Variants in SUGCT observed in about 807,000 individuals in gnomAD.
The protein encoded by SUGCT is succinyl-CoA:glutarate-CoA transferase, also known as succinyl-CoA:glutarate CoA-transferase.
Under a neutral mutation model 55.0 loss-of-function variants are expected in SUGCT, and 41 were observed. The ratio of observed to expected loss-of-function variants is 0.74; its 90% CI spans 0.58 to 0.97. The LOEUF (loss-of-function observed/expected upper bound fraction) is 0.97. SUGCT is among the 50% of genes least tolerant of loss of function. The pLI, the probability that SUGCT is intolerant of heterozygous loss-of-function variation, is 0.00. For missense variants in SUGCT, 568 were observed against 547.8 expected (o/e 1.04, Z -0.37); for synonymous variants, 187 against 200.4 (o/e 0.93, Z 0.56).
At chr7:40,872,951 G>A in the SUGCT span, among the ~76,000 whole-genome samples, 2 of 152,158 alleles carry the variant, frequency 1.3e-5, no homozygotes, top group Non-Finnish European at 2.9e-5. Context: ...CATGAGAGGC[G>A]TCTGAGGTCA....
intron 12 of SUGCT, among the ~76,000 whole-genome samples, chr7:40,569,715 AACTTTG>A (rs1005274329): frequency 9.9e-5 from 15 of 152,224 alleles, no homozygotes; most frequent in Non-Finnish European, 1.9e-4. Flanking sequence ...ATAAAAAAAA[AACTTTG>A]ACTTAACTCA....
At chr7:40,578,930 A>G (rs1248108634) in intron 12 of SUGCT, among the ~76,000 whole-genome samples, 2 of 152,178 alleles carry the variant, frequency 1.3e-5, no homozygotes, top group Non-Finnish European at 2.9e-5. Context: ...TGTCTTATTT[A>G]TCACAGTATT....
At chr7:40,648,640 A>ACT (rs1228339793) in intron 12 of SUGCT, among the ~76,000 whole-genome samples, 1 of 152,236 alleles carries the variant, frequency 6.6e-6, no homozygotes, top group Non-Finnish European at 1.5e-5. Context: ...TGGTGTCCTT[A>ACT]CAAGGAGAGC....
At chr7:40,239,858 A>C (rs1389926522) in intron 7 of SUGCT, among the ~76,000 whole-genome samples, 1 of 152,200 alleles carries the variant, frequency 6.6e-6, no homozygotes, top group African/African-American at 2.4e-5. Flanking sequence ...TATTTCTTTC[A>C]CATGGACACA....
intron 1 of SUGCT, among the ~76,000 whole-genome samples, chr7:40,139,143 T>TC (rs1253415191): frequency 4.7e-4 from 70 of 149,136 alleles, no homozygotes; most frequent in African/African-American, 1.7e-3. Context: ...AATAAATAAA[T>TC]AAATAAATAA....
intron 11 of SUGCT, among the ~76,000 whole-genome samples, chr7:40,464,727 C>T (rs781405470): frequency 3.3e-5 from 5 of 152,188 alleles, no homozygotes; most frequent in African/African-American, 4.8e-5. Flanking sequence ...GTCCCAGCTA[C>T]TTTGGGAAAG....
intron 11 of SUGCT, among the ~76,000 whole-genome samples, chr7:40,466,865 A>G (rs576314394): frequency 6.6e-6 from 1 of 152,316 alleles, no homozygotes; most frequent in South Asian, 2.1e-4. Context: ...AGGTTCTCAT[A>G]TATCATACGT....
chr7:40,590,902 G>A (rs1395876099), intron 12 of SUGCT, among the ~76,000 whole-genome samples: 5 of 152,008 alleles, frequency 3.3e-5, no homozygotes, highest in Non-Finnish European at 7.3e-5. Context: ...GAGACCTAGT[G>A]CTCAGAAAAA....
At chr7:40,778,714 C>T (rs1789583767) in intron 13 of SUGCT, among the ~76,000 whole-genome samples, 1 of 152,194 alleles carries the variant, frequency 6.6e-6, no homozygotes, top group African/African-American at 2.4e-5. Flanking sequence ...AAAACTTACA[C>T]CTTTCTTACC....
chr7:40,160,506 G>A (rs556640948), intron 1 of SUGCT, among the ~76,000 whole-genome samples: 1 of 152,312 alleles, frequency 6.6e-6, no homozygotes, highest in South Asian at 2.1e-4. Context: ...TGGGATTACA[G>A]GCGTGAGCCA....
chr7:40,958,839 G>A, the SUGCT span, among the ~76,000 whole-genome samples: 1 of 152,102 alleles, frequency 6.6e-6, no homozygotes. Flanking sequence ...ACCTTTGGAT[G>A]GAGTTTTTGA....
chr7:40,577,163 G>T (rs898499978), intron 12 of SUGCT, among the ~76,000 whole-genome samples: 2 of 152,176 alleles, frequency 1.3e-5, no homozygotes, highest in East Asian at 1.9e-4. Context: ...GATTCATTGC[G>T]TAGCTGGATC....
At chr7:40,388,530 C>G (rs1338262813) in intron 9 of SUGCT, among the ~76,000 whole-genome samples, 1 of 152,130 alleles carries the variant, frequency 6.6e-6, no homozygotes, top group East Asian at 1.9e-4. Flanking sequence ...ATTCTACTGC[C>G]TCAGCCTCCC....
intron 11 of SUGCT, among the ~76,000 whole-genome samples, chr7:40,491,838 A>T (rs1791700324): frequency 6.6e-6 from 1 of 152,012 alleles, no homozygotes; most frequent in Non-Finnish European, 1.5e-5. Context: ...AAAAATACAA[A>T]AATTAGCCAG....
At chr7:40,931,069 A>G in the SUGCT span, among the ~76,000 whole-genome samples, 1 of 152,172 alleles carries the variant, frequency 6.6e-6, no homozygotes, top group Non-Finnish European at 1.5e-5. Context: ...TGTCATAAAT[A>G]GCTCTTATTG....
chr7:40,186,998 C>T (rs568415737), intron 3 of SUGCT, among the ~76,000 whole-genome samples: 78 of 152,198 alleles, frequency 5.1e-4, no homozygotes, highest in African/African-American at 1.7e-3. Flanking sequence ...ATGTTTATTG[C>T]GGCACTGTTC....
intron 12 of SUGCT, among the ~76,000 whole-genome samples, chr7:40,680,485 AC>A (rs1351250848): frequency 6.6e-6 from 1 of 152,132 alleles, no homozygotes. Context: ...AGGATTACAC[AC>A]CCACAAAAGA....
At chr7:40,709,073 A>G (rs140530764) in intron 12 of SUGCT, among the ~76,000 whole-genome samples, 9 of 152,346 alleles carry the variant, frequency 5.9e-5, no homozygotes, top group Non-Finnish European at 1.0e-4. Flanking sequence ...TACAATAAGT[A>G]TCTCTTATTC....
At chr7:40,139,357 T>A (rs920184044) in intron 1 of SUGCT, among the ~76,000 whole-genome samples, 1 of 152,024 alleles carries the variant, frequency 6.6e-6, no homozygotes, top group Non-Finnish European at 1.5e-5. Context: ...CCACCACGCC[T>A]GGCTAATTTT....
Sources: allele counts gnomAD v4.1 joint callset (sites outside exome capture counted in the v4.1 genomes callset), GRCh38; gene constraint gnomAD v4.1.1; transcripts MANE v1.5; gene names NCBI Gene and HGNC (gene_info 2026-07-23, HGNC 2026-07-21).